DET1: variants seen among roughly 807,000 people sequenced by gnomAD.
DET1 encodes the protein DET1 partner of COP1 E3 ubiquitin ligase, also known as DET1 homolog.
In DET1, 22 loss-of-function variants were observed where a neutral mutation model predicts 43.7. The observed-to-expected ratio is 0.50, with a 90% CI of 0.36 to 0.72. DET1 has a LOEUF of 0.72. Ranked by LOEUF, DET1 falls within the 30% of genes least tolerant of loss-of-function variation. The pLI, the probability that DET1 is intolerant of heterozygous loss-of-function variation, is 0.00. For missense variants in DET1, 713 were observed against 713.3 expected, an observed-to-expected ratio of 1.00 and a Z score of 0.00; for synonymous variants, 315 against 266.2, an observed-to-expected ratio of 1.18 and a Z score of -1.79.
At chr15:88,537,223 C>T (rs2056976159) in intron 1 of DET1, among the ~76,000 whole-genome samples, 1 of 152,140 alleles carries the variant, frequency 6.6e-6, no homozygotes, top group Non-Finnish European at 1.5e-5. Context: ...CAATGGTAAG[C>T]ACTGTTTTGT....
chr15:88,514,841 G>T (rs975218049), intron 4 of DET1, among the ~76,000 whole-genome samples: 21 of 152,174 alleles, frequency 1.4e-4, no homozygotes, highest in Non-Finnish European at 2.1e-4. Context: ...ATATAAAGAA[G>T]AATTATAAGA....
At chr15:88,522,661 A>G (rs1387374278) in intron 3 of DET1, among the ~76,000 whole-genome samples, 8 of 151,194 alleles carry the variant, frequency 5.3e-5, no homozygotes, top group Admixed American at 5.3e-4. Flanking sequence ...GGCGCCCGCC[A>G]TCACACACGG....
Position 88,527,686 on chromosome 15 carries a change from T to G in DET1, c.1184A>C (p.Asp395Ala), listed in dbSNP as rs931553020. 6.2e-7 allele frequency: 1 copy of G among 1,613,674 alleles called. No individual in the cohort carries two copies. Among genetic ancestry groups the G allele is most frequent in the African/African-American group, 1.3e-5 (1 of 74,854 alleles). ...ELLELFENFC[D>A]LFRNATLHSE... ...GTGCAGGGTAGCATTACGAAAAAGG[T>G]CACAGAAGTTCTCAAAGAGCTCCAA... The change falls in exon 3 of 5, where the codon GAC (aspartate) becomes GCC (alanine). Residue 395 changes from aspartate (D) to alanine (A), a missense_variant. Coordinates refer to ENST00000268148, the MANE Select transcript of DET1 (RefSeq NM_001144074.3).
Position 88,531,694 on chromosome 15 carries a change from A to G in DET1, c.12T>C (p.His4=). The G allele has an allele frequency of 6.2e-7, 1 of 1,607,428 alleles. No individual in the cohort carries two copies. The highest frequency in any genetic ancestry group is 8.5e-7 in the Non-Finnish European group (1 of 1,174,394). MDH[H]VSTIKPRRIQ... ...TTCTTCGAGGCTTGATGGTAGAAAC[A>G]TGATGATCCATTATCACATCTCTAA... The change falls in exon 2 of 5, where the codon CAT becomes CAC. Residue 4 remains histidine (H), a synonymous_variant. Coordinates refer to ENST00000268148, the MANE Select transcript of DET1 (RefSeq NM_001144074.3). This position sits in a 1 kb window ranked among gnomAD's most constrained non-coding sequence, Gnocchi z 6.2.
downstream of DET1, among the ~76,000 whole-genome samples, chr15:88,510,111 T>C (rs1046213557): frequency 3.3e-5 from 5 of 152,102 alleles, no homozygotes; most frequent in Admixed American, 3.3e-4. Context: ...TTCAGTGGGG[T>C]CTAAGATCCT....
chr15:88,534,172 T>A (rs1361743291), intron 1 of DET1, among the ~76,000 whole-genome samples: 1 of 152,202 alleles, frequency 6.6e-6, no homozygotes, highest in African/African-American at 2.4e-5. Flanking sequence ...TATGGCAAAG[T>A]CTTCTAATTG....
intron 3 of DET1, among the ~76,000 whole-genome samples, chr15:88,519,911 A>G (rs535934233): frequency 1.3e-5 from 2 of 151,904 alleles, no homozygotes; most frequent in African/African-American, 4.8e-5. Context: ...TTTCATGACT[A>G]TTTCATCTCC....
chr15:88,537,459 C>T (rs2056982853), intron 1 of DET1, among the ~76,000 whole-genome samples: 1 of 152,126 alleles, frequency 6.6e-6, no homozygotes, highest in South Asian at 2.1e-4. Context: ...CCTTGATCTC[C>T]CAAAGTGCTA....
At chr15:88,519,979 A>G (rs1321010509) in intron 3 of DET1, among the ~76,000 whole-genome samples, 1 of 152,184 alleles carries the variant, frequency 6.6e-6, no homozygotes, top group East Asian at 1.9e-4. Context: ...TAACAAATGG[A>G]AGTTAGCAGA....
chr15:88,520,258 C>A (rs186504412), intron 3 of DET1, among the ~76,000 whole-genome samples: 23 of 152,250 alleles, frequency 1.5e-4, no homozygotes, highest in Admixed American at 3.9e-4. Flanking sequence ...AGCTAATGCA[C>A]CACTTTTCAG....
intron 1 of DET1, among the ~76,000 whole-genome samples, chr15:88,532,739 T>A (rs2056848531): frequency 6.6e-6 from 1 of 152,198 alleles, no homozygotes; most frequent in South Asian, 2.1e-4. Flanking sequence ...AATAGCCACA[T>A]GCAAAAGAAT....
intron 1 of DET1, among the ~76,000 whole-genome samples, chr15:88,534,167 CAA>C (rs948930849): frequency 1.2e-4 from 18 of 152,068 alleles, no homozygotes; most frequent in Non-Finnish European, 1.5e-5. Flanking sequence ...TATTATATGG[CAA>C]AGTCTTCTAA....
downstream of DET1, chr15:88,511,286 G>A: frequency 1.9e-6 from 1 of 532,066 alleles, no homozygotes; most frequent in Non-Finnish European, 2.4e-6. Context: ...GTTACCTTGT[G>A]AAATTCGTAT....
chr15:88,516,908 C>A lies in DET1; in HGVS notation c.1337G>T (p.Gly446Val), dbSNP rs2142264291. 6.2e-7 allele frequency: 1 copy of A among 1,610,110 alleles called. No homozygotes were observed. The change falls in exon 4 of 5, where the codon GGT becomes GTT. Residue 446 changes from glycine to valine, a missense_variant. Coordinates refer to ENST00000268148, the MANE Select transcript of DET1 (RefSeq NM_001144074.3). The surrounding 1 kb of genome is among the most constrained non-coding windows in gnomAD (Gnocchi z 4.4). The stretch of plus-strand genomic sequence containing the variant: ...AGACTGAGCACTGATGGGGAGCTGA[C>A]CCAGCAGCCGGCGTACTGCCTCTGT... ...GHTEAVRRLL[G>V]QLPISAQSYS... is the part of the protein sequence containing the mutation.
At chr15:88,527,842 G>A (rs978416263) in intron 2 of DET1, 56 bp from the exon 3 acceptor site, 28 of 1,330,700 alleles carry the variant, frequency 2.1e-5, no homozygotes, top group Non-Finnish European at 2.6e-5. Context: ...CCATGCGTAG[G>A]AAACTTAGCA....
chr15:88,519,224 T>C (rs2056426339), intron 3 of DET1, among the ~76,000 whole-genome samples: 1 of 152,078 alleles, frequency 6.6e-6, no homozygotes, highest in African/African-American at 2.4e-5. Context: ...CTCTCCATGC[T>C]CCCCACTGAT....
intron 1 of DET1, among the ~76,000 whole-genome samples, chr15:88,535,862 G>A (rs1321455231): frequency 6.6e-6 from 1 of 152,136 alleles, no homozygotes; most frequent in African/African-American, 2.4e-5. Flanking sequence ...GCAAGGGAAG[G>A]AGGAAGGAAA....
At chr15:88,545,738 G>A (rs1012434540) in intron 1 of DET1, among the ~76,000 whole-genome samples, 3 of 151,250 alleles carry the variant, frequency 2.0e-5, no homozygotes, top group African/African-American at 7.3e-5. Flanking sequence ...GCCCAACCTG[G>A]TTTTTACTAA....
At chr15:88,525,192 T>A (rs1469363224) in intron 3 of DET1, among the ~76,000 whole-genome samples, 2 of 152,222 alleles carry the variant, frequency 1.3e-5, no homozygotes, top group African/African-American at 2.4e-5. Flanking sequence ...TTTTGTTATA[T>A]TTTAAAGTGT....
Sources: allele counts gnomAD v4.1 joint callset (sites outside exome capture counted in the v4.1 genomes callset), GRCh38; gene constraint gnomAD v4.1.1; non-coding constraint Gnocchi (gnomAD v3.1); transcripts MANE v1.5; gene names NCBI Gene and HGNC (gene_info 2026-07-23, HGNC 2026-07-21).